S100Z: variants seen among roughly 807,000 people sequenced by gnomAD.
The protein encoded by S100Z is protein S100-Z.
In S100Z, 11 loss-of-function variants were observed where a neutral mutation model predicts 8.5. The ratio of observed to expected loss-of-function variants is 1.30; its 90% CI spans 0.82 to 2.15. The LOEUF (loss-of-function observed/expected upper bound fraction) is 2.15. Among genes scored for constraint, S100Z ranks in the 30% most tolerant of loss-of-function variants. The pLI, the probability that S100Z is intolerant of heterozygous loss-of-function variation, is 0.00. For missense variants in S100Z, 126 were observed against 117.9 expected, an observed-to-expected ratio of 1.07 and a Z score of -0.32; for synonymous variants, 34 against 43.8, an observed-to-expected ratio of 0.78 and a Z score of 0.89.
intron 4 of S100Z, among the ~76,000 whole-genome samples, chr5:76,881,853 G>A (rs187425630): frequency 1.3e-5 from 2 of 152,328 alleles, no homozygotes; most frequent in Admixed American, 6.5e-5. Flanking sequence ...CTGAGTGATG[G>A]CATCTTATGC....
chr5:76,896,125 T>C (rs1022119215), intron 4 of S100Z, among the ~76,000 whole-genome samples: 3 of 152,114 alleles, frequency 2.0e-5, no homozygotes, highest in East Asian at 1.9e-4. Context: ...GCAGGTCTTA[T>C]TCATTCCTTT....
the S100Z span, among the ~76,000 whole-genome samples, chr5:76,930,291 C>A: frequency 2.0e-5 from 3 of 152,330 alleles, no homozygotes; most frequent in East Asian, 5.8e-4. Context: ...CTCTACTGAG[C>A]AAGCTCCCTG....
intron 1 of S100Z, among the ~76,000 whole-genome samples, chr5:76,857,731 C>T (rs529868525): frequency 6.6e-6 from 1 of 152,230 alleles, no homozygotes; most frequent in South Asian, 2.1e-4. Context: ...GAACTCCTGA[C>T]CTCTAGTGAT....
At chr5:76,951,280 A>T in the S100Z span, among the ~76,000 whole-genome samples, 5 of 152,212 alleles carry the variant, frequency 3.3e-5, no homozygotes, top group Admixed American at 2.6e-4. Flanking sequence ...CAGGGTGGGA[A>T]CATCACTGTT....
chr5:76,927,737 A>T, the S100Z span, among the ~76,000 whole-genome samples: 1 of 152,242 alleles, frequency 6.6e-6, no homozygotes, highest in Non-Finnish European at 1.5e-5. Flanking sequence ...TAGGAAGGTG[A>T]AGACTAACAT....
At chr5:76,914,805 C>T (rs1744799442) in intron 4 of S100Z, among the ~76,000 whole-genome samples, 1 of 152,132 alleles carries the variant, frequency 6.6e-6, no homozygotes, top group South Asian at 2.1e-4. Flanking sequence ...CCTTTAAGAG[C>T]TGTAACCCTC....
chr5:76,860,582 T>C (rs528782234), intron 1 of S100Z, among the ~76,000 whole-genome samples: 1 of 152,232 alleles, frequency 6.6e-6, no homozygotes, highest in African/African-American at 2.4e-5. Flanking sequence ...TAATCAGATA[T>C]GCTCCAAGCA....
At chr5:76,934,702 G>A in the S100Z span, among the ~76,000 whole-genome samples, 1 of 152,180 alleles carries the variant, frequency 6.6e-6, no homozygotes, top group Non-Finnish European at 1.5e-5. Flanking sequence ...GGCAGCAATG[G>A]GAACCATCAT....
intron 4 of S100Z, among the ~76,000 whole-genome samples, chr5:76,880,862 A>C (rs1743380580): frequency 6.6e-6 from 1 of 152,136 alleles, no homozygotes; most frequent in Admixed American, 6.5e-5. Flanking sequence ...TTCTTCATTT[A>C]AAAATATACA....
At chr5:76,907,545 T>G (rs1369369782) in intron 4 of S100Z, among the ~76,000 whole-genome samples, 1 of 152,136 alleles carries the variant, frequency 6.6e-6, no homozygotes, top group Non-Finnish European at 1.5e-5. Flanking sequence ...CCTCTTGATC[T>G]GCCTGTCTCA....
chr5:76,938,103 AAAAT>A, the S100Z span, among the ~76,000 whole-genome samples: 20,514 of 98,598 alleles, frequency 0.21, 1,529 homozygotes, highest in East Asian at 0.4. Context: ...CAAAAAACAA[AAAAT>A]AAACAAAAAA....
intron 4 of S100Z, among the ~76,000 whole-genome samples, chr5:76,885,953 G>C (rs552549023): frequency 6.8e-6 from 1 of 147,382 alleles, no homozygotes; most frequent in South Asian, 2.3e-4. Context: ...AGAGAAAAGA[G>C]AGAGTAGAGA....
At chr5:76,903,756 C>A (rs1420498528) in intron 4 of S100Z, among the ~76,000 whole-genome samples, 3 of 148,552 alleles carry the variant, frequency 2.0e-5, no homozygotes, top group Non-Finnish European at 4.4e-5. Context: ...GACAGAGTCT[C>A]ACTCTGTTGC....
intron 4 of S100Z, among the ~76,000 whole-genome samples, chr5:76,881,113 G>T (rs1008516156): frequency 2.0e-5 from 3 of 152,178 alleles, no homozygotes; most frequent in Admixed American, 2.0e-4. Flanking sequence ...AGTGTACTTT[G>T]TCACTGAAGA....
intron 4 of S100Z, among the ~76,000 whole-genome samples, chr5:76,904,866 T>C (rs1744372274): frequency 6.6e-6 from 1 of 152,180 alleles, no homozygotes; most frequent in South Asian, 2.1e-4. Flanking sequence ...TCTCTTAATA[T>C]TGTCTTTTGT....
Position 76,861,665 on chromosome 5 carries a change from G to A in S100Z, c.-175-8501G>A, listed in dbSNP as rs149139955. On this transcript the variant is annotated intron_variant, in intron 1 of 4. Coordinates refer to ENST00000317593, the MANE Select transcript of S100Z (RefSeq NM_130772.4). ...AAGCCAGGATGTCTTTTATACCCCC[G>A]TCTCAGAAGTCACTCACAGTTTCCC... Among the ~76,000 whole-genome samples the A allele has an allele frequency of 4.5e-3, 683 of 152,206 alleles. 6 individuals carry two copies. The highest frequency in any genetic ancestry group is 0.015 in the African/African-American group (605 of 41,538).
intron 4 of S100Z, among the ~76,000 whole-genome samples, chr5:76,880,149 G>A (rs554581409): frequency 8.5e-5 from 13 of 152,270 alleles, no homozygotes; most frequent in African/African-American, 2.9e-4. Context: ...TCTTAAGGGT[G>A]GGGGAGATTA....
chr5:76,924,282 C>T (rs1224085158), downstream of S100Z, among the ~76,000 whole-genome samples: 3 of 152,210 alleles, frequency 2.0e-5, no homozygotes, highest in African/African-American at 7.2e-5. Flanking sequence ...ATATAAGCAT[C>T]TAGACCTCAC....
intron 4 of S100Z, among the ~76,000 whole-genome samples, chr5:76,882,531 A>C (rs1743440718): frequency 6.6e-6 from 1 of 152,172 alleles, no homozygotes. Flanking sequence ...TGGTTTTGTT[A>C]GGATGGCAAA....
Sources: gnomAD v4.1 joint callset for allele counts (sites outside exome capture counted in the v4.1 genomes callset) on GRCh38, gnomAD v4.1.1 for gene constraint, MANE v1.5 for transcripts, NCBI Gene and HGNC (gene_info 2026-07-23, HGNC 2026-07-21) for gene names.